CCDC146: variants seen among roughly 807,000 people sequenced by gnomAD.
CCDC146 encodes coiled-coil domain containing 146.
CCDC146 carries 92 observed loss-of-function variants against 119.3 expected under a neutral mutation model. The ratio of observed to expected loss-of-function variants is 0.77; its 90% CI spans 0.65 to 0.92. CCDC146 has a LOEUF of 0.92. Among genes scored for constraint, CCDC146 ranks in the 40% least tolerant of loss-of-function variants. The pLI, the probability that CCDC146 is intolerant of heterozygous loss-of-function variation, is 0.00. For missense variants in CCDC146, 1,000 were observed against 1,103.0 expected (o/e 0.91, Z 1.32); for synonymous variants, 372 against 371.8 (o/e 1.00, Z -0.01).
rs1791958062 is a variant in CCDC146 at position 77,199,998 on chromosome 7, A to G, written c.156+32174A>G. 3 of 542,184 alleles carry G rather than the reference A, an allele frequency of 5.5e-6. No individual in the cohort carries two copies. In the East Asian group the frequency reaches 9.0e-5, roughly 16 times the overall value. The allele number at this position is 542,184 out of a possible 1,614,324, so 33.6% of individuals were successfully genotyped here. A position where few individuals can be genotyped will look rare whatever the true frequency, so the allele number is the denominator to read the frequency against. On this transcript the variant is annotated intron_variant, in intron 2 of 18. Transcript: ENST00000285871. ...GTAACTTACTCTCAATAGAAATAAT[A>G]TGCATTGAAATTATTATAGTCAAAT... is the stretch of plus-strand genomic sequence containing the variant.
intron 2 of CCDC146, among the ~76,000 whole-genome samples, chr7:77,218,003 T>C (rs1230334657): frequency 1.3e-5 from 2 of 152,124 alleles, no homozygotes; most frequent in African/African-American, 2.4e-5. Flanking sequence ...TACTGTACTG[T>C]GCTATAGTTT....
At chr7:77,264,725 T>C (rs1254393452) in intron 9 of CCDC146, among the ~76,000 whole-genome samples, 1 of 152,240 alleles carries the variant, frequency 6.6e-6, no homozygotes, top group African/African-American at 2.4e-5. Context: ...TATTCTGTGA[T>C]ATTACTTTTG....
intron 1 of CCDC146, among the ~76,000 whole-genome samples, chr7:77,126,668 G>C (rs1463050843): frequency 6.6e-6 from 1 of 152,090 alleles, no homozygotes; most frequent in Admixed American, 6.5e-5. Flanking sequence ...TCTCGGCAGA[G>C]ACGGTAGCTC....
intron 13 of CCDC146, 144 bp downstream of exon 13, chr7:77,279,245 C>A: frequency 1.7e-6 from 1 of 574,138 alleles, no homozygotes; most frequent in Non-Finnish European, 2.9e-6. Context: ...GCCTGGGTGA[C>A]AGAATGAGAC....
Position 77,294,679 on chromosome 7 carries a change from A to G in CCDC146, c.2681A>G (p.Asp894Gly), listed in dbSNP as rs150151049. 1.9e-6 allele frequency: 3 copies of G among 1,614,090 alleles called. No homozygotes were observed. The African/African-American group carries it at 4.0e-5, about 22-fold the overall frequency. ...TCTTTGCAGGAGTTCTTGGAAGCAG[A>G]TAATCGCCAGCTGCCCAATGGTGTT... ...AEKSQEFLEA[D>G]NRQLPNGVYT... Residue 894 changes from aspartate (D) to glycine (G), a missense_variant, in exon 19 of 19, where the codon GAT becomes GGT. Physicochemically the swap from Asp to Gly is moderately conservative, Grantham distance 94. This residue lies in a region of CCDC146 where 985 missense variants were observed against 1,045.3 expected (regional missense o/e 0.94). Transcript: ENST00000285871.
At chr7:77,242,814 G>C (rs1481422523) in intron 4 of CCDC146, among the ~76,000 whole-genome samples, 5 of 150,908 alleles carry the variant, frequency 3.3e-5, no homozygotes, top group Non-Finnish European at 7.4e-5. Context: ...CAAGTGACTT[G>C]AGCAACCTCT....
chr7:77,133,857 A>T (rs200582366), intron 1 of CCDC146, among the ~76,000 whole-genome samples: 1 of 144,568 alleles, frequency 6.9e-6, no homozygotes, highest in African/African-American at 2.5e-5. Context: ...ACACACACTC[A>T]CACACACATA....
At chr7:77,264,575 CTT>C (rs1793365847) in intron 9 of CCDC146, among the ~76,000 whole-genome samples, 1 of 152,162 alleles carries the variant, frequency 6.6e-6, no homozygotes, top group African/African-American at 2.4e-5. Flanking sequence ...TACCGTCACT[CTT>C]TCTGTGTCCT....
intron 1 of CCDC146, among the ~76,000 whole-genome samples, chr7:77,130,961 G>A (rs1180256244): frequency 1.3e-5 from 2 of 150,758 alleles, no homozygotes; most frequent in East Asian, 2.0e-4. Flanking sequence ...GCGCAATCTC[G>A]GCTCACTGCA....
rs1205580829 is a variant in CCDC146 at position 77,184,494 on chromosome 7, AAGTCACCATC to A, written c.156+16672_156+16681del. ...TATTCCATATAGGATAGAAATTTAA[AAGTCACCATC>A]ACCAACACAATTTACTTGTAAATGA... On this transcript the variant is annotated intron_variant, in intron 2 of 18. Coordinates refer to ENST00000285871, the MANE Select transcript of CCDC146 (RefSeq NM_020879.3). Among the ~76,000 whole-genome samples, 10 of 152,350 alleles carry A rather than the reference AAGTCACCATC, an allele frequency of 6.6e-5. No homozygotes were observed. In the South Asian group the frequency reaches 1.9e-3, roughly 28 times the overall value.
At chr7:77,124,451 A>T (rs906183658) in intron 1 of CCDC146, among the ~76,000 whole-genome samples, 3 of 152,212 alleles carry the variant, frequency 2.0e-5, no homozygotes, top group Admixed American at 6.5e-5. Flanking sequence ...ATCTCACTGT[A>T]TCCTCACTAA....
At chr7:77,261,626 C>T (rs567581242) in intron 8 of CCDC146, among the ~76,000 whole-genome samples, 253 of 152,040 alleles carry the variant, frequency 1.7e-3, no homozygotes, top group African/African-American at 5.8e-3. Context: ...TACAGGCGCC[C>T]GCCACCGCGC....
rs34309739 is a variant in CCDC146 at position 77,130,597 on chromosome 7, C to CTT, written c.-12+7883_-12+7884dup. On this transcript the variant is annotated intron_variant, in intron 1 of 18. Transcript: ENST00000285871. Reference sequence around the variant, plus strand: ...ATAGCCAGCATAATATCCTTTCTTTCTTTTTTTTTTTTTTTTTTTGAGACG... The same window carrying CTT: ...ATAGCCAGCATAATATCCTTTCTTTCTTTTTTTTTTTTTTTTTTTTTGAGACG... Among the ~76,000 whole-genome samples the CTT allele has an allele frequency of 9.3e-4, 117 of 125,728 alleles. No homozygotes were observed. The South Asian group carries it at 0.014, about 15-fold the overall frequency. 82.5% of individuals were successfully genotyped at this position (125,728 alleles called of 152,430 possible). A position where few individuals can be genotyped will look rare whatever the true frequency, so the allele number is the denominator to read the frequency against.
At chr7:77,232,412 C>A (rs1034468714) in intron 2 of CCDC146, among the ~76,000 whole-genome samples, 1 of 152,218 alleles carries the variant, frequency 6.6e-6, no homozygotes, top group Non-Finnish European at 1.5e-5. Context: ...TGTCCCTCGT[C>A]CCAATTTCTC....
chr7:77,265,168 TC>T (rs1562854010), intron 9 of CCDC146, among the ~76,000 whole-genome samples: 2 of 152,184 alleles, frequency 1.3e-5, no homozygotes, highest in African/African-American at 2.4e-5. Flanking sequence ...CCCTCCTCAG[TC>T]ATAGTAAGAT....
intron 2 of CCDC146, among the ~76,000 whole-genome samples, chr7:77,173,197 C>T (rs980827541): frequency 6.6e-6 from 1 of 151,898 alleles, no homozygotes; most frequent in Non-Finnish European, 1.5e-5. Flanking sequence ...CACACTTATC[C>T]CTTTATTTTT....
intron 1 of CCDC146, among the ~76,000 whole-genome samples, chr7:77,152,717 G>A (rs1172945254): frequency 6.6e-6 from 1 of 152,136 alleles, no homozygotes; most frequent in Non-Finnish European, 1.5e-5. Context: ...ACAAATTCAT[G>A]CCTAAAAGGA....
chr7:77,254,387 C>A, intron 4 of CCDC146, 119 bp from the exon 5 acceptor site: 3 of 599,896 alleles, frequency 5.0e-6, no homozygotes, highest in Admixed American at 6.0e-5. Flanking sequence ...GAATGGACAC[C>A]AGGTTGCCTG....
intron 1 of CCDC146, among the ~76,000 whole-genome samples, chr7:77,144,857 G>C (rs572377614): frequency 6.6e-6 from 1 of 151,762 alleles, no homozygotes; most frequent in Non-Finnish European, 1.5e-5. Context: ...ATGTTCATCA[G>C]GGATATTGGT....
Sources: gnomAD v4.1 joint callset for allele counts (sites outside exome capture counted in the v4.1 genomes callset) on GRCh38, gnomAD v4.1.1 for gene constraint, gnomAD v4.1.1 regional missense constraint, MANE v1.5 for transcripts, NCBI Gene and HGNC (gene_info 2026-07-23, HGNC 2026-07-21) for gene names.